SYT2: variants seen among roughly 807,000 people sequenced by gnomAD.
SYT2 encodes the protein synaptotagmin-2.
In SYT2, 15 loss-of-function variants were observed where a neutral mutation model predicts 39.9. That is an observed-to-expected ratio of 0.38 (90% confidence interval 0.25 to 0.58). The LOEUF (loss-of-function observed/expected upper bound fraction) is 0.58. Ranked by LOEUF, SYT2 falls within the 20% of genes least tolerant of loss-of-function variation. SYT2 has a pLI of 0.70. For synonymous variants in SYT2, 181 were observed against 204.5 expected (o/e 0.89, Z 0.98); for missense variants, 389 against 530.3 (o/e 0.73, Z 2.62).
chr1:202,706,649 A>G (rs937703105), intron 1 of SYT2, among the ~76,000 whole-genome samples: 10 of 152,224 alleles, frequency 6.6e-5, no homozygotes, highest in Non-Finnish European at 2.9e-5. Flanking sequence ...TTAGAAAAAA[A>G]TCTCTGACTT....
chr1:202,689,596 C>T (rs1653767865), intron 1 of SYT2, among the ~76,000 whole-genome samples: 1 of 152,104 alleles, frequency 6.6e-6, no homozygotes, highest in Non-Finnish European at 1.5e-5. Flanking sequence ...CCTCTGAGCA[C>T]CCCTTCCTCA....
intron 1 of SYT2, among the ~76,000 whole-genome samples, chr1:202,672,827 G>A (rs1327811306): frequency 1.4e-5 from 2 of 139,314 alleles, no homozygotes; most frequent in Non-Finnish European, 3.1e-5. Context: ...AAAGGCAGAA[G>A]ATACCCAGAC....
At chr1:202,673,379 A>G (rs992738032) in intron 1 of SYT2, among the ~76,000 whole-genome samples, 3 of 152,240 alleles carry the variant, frequency 2.0e-5, no homozygotes, top group Non-Finnish European at 4.4e-5. Context: ...CCTCAGTTAC[A>G]TTGCAGGAAA....
chr1:202,593,767 G>C lies in SYT2; in HGVS notation c.*2990C>G, dbSNP rs1416598981. On this transcript the variant is annotated 3_prime_UTR_variant, in exon 9 of 9. Coordinates refer to ENST00000367268, the MANE Select transcript of SYT2 (RefSeq NM_177402.5). ...CTTTCAGACTTTACCCCAGTTTCTG[G>C]ATGGGATTAGGCTTGTTTTCATGGT... 1 of 152,116 alleles carries C rather than the reference G, an allele frequency of 6.6e-6. No homozygotes were observed. The highest frequency in any genetic ancestry group is 1.5e-5 in the Non-Finnish European group (1 of 68,036). The allele number at this position is 152,116 out of a possible 1,614,324, so 9.4% of individuals were successfully genotyped here. A position where few individuals can be genotyped will look rare whatever the true frequency, so the allele number is the denominator to read the frequency against.
At chr1:202,598,552 C>T (rs1375614383) in intron 8 of SYT2, among the ~76,000 whole-genome samples, 1 of 147,510 alleles carries the variant, frequency 6.8e-6, no homozygotes, top group East Asian at 2.1e-4. Context: ...GATCAGCTCA[C>T]TACAAAGAAG....
chr1:202,598,116 CT>C (rs1553334177), intron 8 of SYT2, among the ~76,000 whole-genome samples: 11 of 152,166 alleles, frequency 7.2e-5, no homozygotes, highest in Non-Finnish European at 1.5e-5. Context: ...TCCTCATCCC[CT>C]AGCCTACCAC....
chr1:202,660,777 C>T (rs1398052009), intron 1 of SYT2, among the ~76,000 whole-genome samples: 1 of 152,192 alleles, frequency 6.6e-6, no homozygotes, highest in Non-Finnish European at 1.5e-5. Context: ...GCCACCGCGT[C>T]ATGCCGGTGG....
intron 1 of SYT2, among the ~76,000 whole-genome samples, chr1:202,657,209 A>G (rs1252080070): frequency 6.6e-6 from 1 of 152,190 alleles, no homozygotes; most frequent in Non-Finnish European, 1.5e-5. Context: ...AAGCCTTTTC[A>G]TCAGGTCCAG....
intron 1 of SYT2, among the ~76,000 whole-genome samples, chr1:202,702,049 G>C (rs1458611029): frequency 6.6e-6 from 1 of 152,178 alleles, no homozygotes; most frequent in Non-Finnish European, 1.5e-5. Flanking sequence ...CACCTCCTGA[G>C]GTCTTTGGGG....
Position 202,593,838 on chromosome 1 carries a change from G to A in SYT2, c.*2919C>T, listed in dbSNP as rs1450977173. The A allele has an allele frequency of 6.6e-6, 1 of 151,980 alleles. No individual in the cohort carries two copies. The highest frequency in any genetic ancestry group is 1.5e-5 in the Non-Finnish European group (1 of 68,062). 9.4% of individuals were successfully genotyped at this position (151,980 alleles called of 1,614,324 possible). A position where few individuals can be genotyped will look rare whatever the true frequency, so the allele number is the denominator to read the frequency against. ...CCTCTATACTACTTTCCTTTCTCTG[G>A]AACAGACTTTGAGATGAAAACTCAC... is the stretch of plus-strand genomic sequence containing the variant. On this transcript the variant is annotated 3_prime_UTR_variant, in exon 9 of 9. Coordinates refer to ENST00000367268, the MANE Select transcript of SYT2 (RefSeq NM_177402.5).
At chr1:202,639,078 C>T (rs1558442925) in intron 1 of SYT2, among the ~76,000 whole-genome samples, 1 of 152,220 alleles carries the variant, frequency 6.6e-6, no homozygotes. Context: ...TATCCTGCTG[C>T]CCTGTCTGGC....
At chr1:202,617,516 G>A (rs779076859) in intron 1 of SYT2, among the ~76,000 whole-genome samples, 2 of 152,136 alleles carry the variant, frequency 1.3e-5, no homozygotes, top group Non-Finnish European at 2.9e-5. Context: ...TACAGCCTGT[G>A]GAACTTCGAG....
At position 202,603,036 on chromosome 1, in the gene SYT2, A is replaced by G; in HGVS notation, c.428T>C (p.Leu143Pro). The G allele has an allele frequency of 6.2e-7, 1 of 1,613,092 alleles. No homozygotes were observed. Among genetic ancestry groups the G allele is most frequent in the Non-Finnish European group, 8.5e-7 (1 of 1,179,666 alleles). The change falls in exon 4 of 9, where the codon CTG becomes CCG. Residue 143 changes from leucine (L) to proline (P), a missense_variant. By Grantham distance (98) the Leu-to-Pro change is moderately conservative. Coordinates refer to ENST00000367268, the MANE Select transcript of SYT2 (RefSeq NM_177402.5). Reference sequence around the variant, plus strand: ...AAAATCATAGTCCAGGGAAAACTGCAGTTTGCCCAGGTTCTCTGGCTCTTT... The same window carrying G: ...AAAATCATAGTCCAGGGAAAACTGCGGTTTGCCCAGGTTCTCTGGCTCTTT... ...EEKEPENLGK[L>P]QFSLDYDFQA...
chr1:202,671,833 C>A (rs1692594506), intron 1 of SYT2, among the ~76,000 whole-genome samples: 1 of 152,084 alleles, frequency 6.6e-6, no homozygotes, highest in African/African-American at 2.4e-5. Flanking sequence ...TAAGAATGCC[C>A]CCAGGCACAC....
chr1:202,604,507 T>C lies in SYT2; in HGVS notation c.293A>G (p.Lys98Arg), dbSNP rs1690632581. 6.2e-7 allele frequency: 1 copy of C among 1,614,122 alleles called. No homozygotes were observed. Among genetic ancestry groups the C allele is most frequent in the African/African-American group, 1.3e-5 (1 of 74,936 alleles). ...CATGGCATTCTTCATGCCTTTGCCCTTCTCCTTCTTGTTCTTCTTCTTCTT... is the reference window on the plus strand; with the variant it reads ...CATGGCATTCTTCATGCCTTTGCCCCTCTCCTTCTTGTTCTTCTTCTTCTT... ...CCKKKKNKKE[K>R]GKGMKNAMNM... Residue 98 changes from lysine to arginine, a missense_variant, in exon 3 of 9, where the codon AAG becomes AGG. Coordinates refer to ENST00000367268, the MANE Select transcript of SYT2 (RefSeq NM_177402.5).
intron 6 of SYT2, among the ~76,000 whole-genome samples, chr1:202,600,748 G>T (rs577574499): frequency 1.3e-5 from 2 of 152,184 alleles, no homozygotes; most frequent in Non-Finnish European, 2.9e-5. Context: ...GGACAGCTGC[G>T]GTGGCAGGAC....
intron 1 of SYT2, among the ~76,000 whole-genome samples, chr1:202,620,919 C>G (rs1691187863): frequency 1.3e-5 from 2 of 152,154 alleles, no homozygotes; most frequent in South Asian, 4.1e-4. Flanking sequence ...TGCCCTGGAG[C>G]TTTGCTCTGT....
At chr1:202,692,312 C>T (rs1321206505) in intron 1 of SYT2, among the ~76,000 whole-genome samples, 1 of 152,102 alleles carries the variant, frequency 6.6e-6, no homozygotes, top group Non-Finnish European at 1.5e-5. Flanking sequence ...CTACCTGCCA[C>T]AAAAACCTAC....
rs143967467 is a variant in SYT2, at chr1:202,596,082, G to A, written c.*675C>T. The A allele has an allele frequency of 6.6e-6, 1 of 152,074 alleles. No individual in the cohort carries two copies. The highest frequency in any genetic ancestry group is 2.4e-5 in the African/African-American group (1 of 41,388). The allele number at this position is 152,074 out of a possible 1,614,324, so 9.4% of individuals were successfully genotyped here. On this transcript the variant is annotated 3_prime_UTR_variant, in exon 9 of 9. Coordinates refer to ENST00000367268, the MANE Select transcript of SYT2 (RefSeq NM_177402.5). ...TATGAAAGCCCCGATATCTGAACAGGATCCTGAGACTTTGCCATAGATGAG... is the reference window on the plus strand; with the variant it reads ...TATGAAAGCCCCGATATCTGAACAGAATCCTGAGACTTTGCCATAGATGAG...
Sources: allele counts gnomAD v4.1 joint callset (sites outside exome capture counted in the v4.1 genomes callset), GRCh38; gene constraint gnomAD v4.1.1; transcripts MANE v1.5; gene names NCBI Gene and HGNC (gene_info 2026-07-23, HGNC 2026-07-21).